The following RIMS2 variants were observed in gnomAD, a reference collection of about 807,000 sequenced individuals.
RIMS2 encodes regulating synaptic membrane exocytosis protein 2.
A neutral mutation model predicts 174.4 loss-of-function variants in RIMS2; 59 were observed. The ratio of observed to expected loss-of-function variants is 0.34; its 90% CI spans 0.27 to 0.42. The LOEUF (loss-of-function observed/expected upper bound fraction) is 0.42. RIMS2 is among the 10% of genes least tolerant of loss of function. The pLI, the probability that RIMS2 is intolerant of heterozygous loss-of-function variation, is 1.00. For missense variants in RIMS2, 1,620 were observed against 1,666.3 expected (o/e 0.97, Z 0.48); for synonymous variants, 606 against 572.5 (o/e 1.06, Z -0.84).
At chr8:103,989,362 A>G (rs1565708499) in exon 17 of RIMS2, 2 of 1,613,762 alleles carry the variant, frequency 1.2e-6, no homozygotes, top group Non-Finnish European at 8.5e-7. Context: ...ATTATAATAC[A>G]ATTAGCCGAA....
chr8:104,223,807 T>C (rs1235252090), intron 19 of RIMS2: 1 of 1,591,552 alleles, frequency 6.3e-7, no homozygotes, highest in East Asian at 2.2e-5. Context: ...AGACACCCCT[T>C]CCCCCGTAGT....
intron 3 of RIMS2, chr8:103,768,823 C>T (rs2098213166): frequency 3.1e-6 from 2 of 645,718 alleles, no homozygotes; most frequent in African/African-American, 1.8e-5. Flanking sequence ...TCTTATTACT[C>T]CATGTGTCCT....
rs572462828 is a variant in RIMS2 at position 103,879,045 on chromosome 8, A to T, written c.699-6253A>T. Among the ~76,000 whole-genome samples, 3 of 151,824 alleles carry T rather than the reference A, an allele frequency of 2.0e-5. No individual in the cohort carries two copies. The South Asian group carries it at 6.2e-4, about 31-fold the overall frequency. On this transcript the variant is annotated intron_variant, in intron 3 of 23. Coordinates refer to ENST00000504942, the Ensembl canonical transcript of RIMS2. Reference sequence around the variant, plus strand: ...TTACAAAAGCAATAAACAAAAGAAAACATGTTAAGAGTAAAGAGTTAAAAA... The same window carrying T: ...TTACAAAAGCAATAAACAAAAGAAATCATGTTAAGAGTAAAGAGTTAAAAA...
chr8:103,753,531 C>G (rs192850326), intron 2 of RIMS2, among the ~76,000 whole-genome samples: 280 of 152,236 alleles, frequency 1.8e-3, no homozygotes, highest in African/African-American at 6.5e-3. Flanking sequence ...CCTCCTTATA[C>G]CTCTGGTAGA....
chr8:103,623,883 A>G (rs2095708924), intron 1 of RIMS2, among the ~76,000 whole-genome samples: 1 of 152,102 alleles, frequency 6.6e-6, no homozygotes, highest in Admixed American at 6.5e-5. Context: ...CATTAACTAA[A>G]TATCCTCTGA....
At chr8:103,629,116 C>A (rs979046635) in intron 1 of RIMS2, among the ~76,000 whole-genome samples, 1 of 152,132 alleles carries the variant, frequency 6.6e-6, no homozygotes, top group Admixed American at 6.6e-5. Context: ...GAGATAGTAC[C>A]CCTTTGCCCC....
At chr8:103,560,716 G>C (rs1164771145) in intron 1 of RIMS2, among the ~76,000 whole-genome samples, 2 of 152,146 alleles carry the variant, frequency 1.3e-5, no homozygotes, top group Non-Finnish European at 2.9e-5. Context: ...TGAAATTTAA[G>C]ATATGTTTTT....
At chr8:103,798,915 C>CTTTTT (rs376864472) in intron 3 of RIMS2, among the ~76,000 whole-genome samples, 6 of 134,788 alleles carry the variant, frequency 4.5e-5, no homozygotes, top group African/African-American at 1.7e-4. Flanking sequence ...AGGTAGAAAA[C>CTTTTT]TTTTTTTTTT....
chr8:104,122,435 G>A (rs2098388375), intron 19 of RIMS2, among the ~76,000 whole-genome samples: 1 of 152,118 alleles, frequency 6.6e-6, no homozygotes, highest in Admixed American at 6.6e-5. Context: ...ATACAAAGCA[G>A]TTCAAATTCA....
At chr8:103,574,610 G>A (rs994066993) in intron 1 of RIMS2, among the ~76,000 whole-genome samples, 2 of 152,074 alleles carry the variant, frequency 1.3e-5, no homozygotes, top group Non-Finnish European at 2.9e-5. Flanking sequence ...AACTGTCTTT[G>A]GTTCCCCTTT....
At chr8:104,247,093 C>G (rs986087317) in intron 20 of RIMS2, among the ~76,000 whole-genome samples, 3 of 152,134 alleles carry the variant, frequency 2.0e-5, no homozygotes, top group Admixed American at 2.0e-4. Context: ...TGGCTTGGAC[C>G]AGAGTGTAGC....
intron 17 of RIMS2, among the ~76,000 whole-genome samples, chr8:103,996,968 T>C (rs897283202): frequency 6.6e-6 from 1 of 151,708 alleles, no homozygotes; most frequent in Admixed American, 6.6e-5. Flanking sequence ...AAAATAGAGG[T>C]TTGAAAATCA....
At chr8:103,528,386 T>G (rs899808242) in intron 1 of RIMS2, among the ~76,000 whole-genome samples, 7 of 152,312 alleles carry the variant, frequency 4.6e-5, no homozygotes, top group African/African-American at 1.7e-4. Flanking sequence ...GCAGAAGCTC[T>G]TTAGTTTAAT....
chr8:103,503,334 AAT>A (rs1190160495), intron 1 of RIMS2, among the ~76,000 whole-genome samples: 4 of 151,982 alleles, frequency 2.6e-5, no homozygotes, highest in Admixed American at 2.6e-4. Context: ...AAATGAAATG[AAT>A]AGACTTTATA....
chr8:103,641,200 G>A (rs2096221646), intron 1 of RIMS2, among the ~76,000 whole-genome samples: 1 of 152,000 alleles, frequency 6.6e-6, no homozygotes, highest in Admixed American at 6.6e-5. Flanking sequence ...CAGGTTTCTT[G>A]TAGAGACAAT....
chr8:103,902,814 T>C (rs1383319616), intron 4 of RIMS2, among the ~76,000 whole-genome samples: 1 of 152,132 alleles, frequency 6.6e-6, no homozygotes, highest in Admixed American at 6.5e-5. Context: ...GTCGTTATTA[T>C]TTGAAAAAAG....
chr8:103,898,650 A>G (rs1187346134), intron 4 of RIMS2, among the ~76,000 whole-genome samples: 4 of 151,426 alleles, frequency 2.6e-5, no homozygotes, highest in African/African-American at 9.8e-5. Flanking sequence ...TGTAATTTTC[A>G]CCAGTGGGAG....
chr8:103,549,412 G>A (rs567796590), intron 1 of RIMS2, among the ~76,000 whole-genome samples: 1 of 152,122 alleles, frequency 6.6e-6, no homozygotes, highest in South Asian at 2.1e-4. Flanking sequence ...TTATAGACAA[G>A]CAAATGTTGA....
chr8:103,728,575 T>G (rs1448179609), intron 2 of RIMS2, among the ~76,000 whole-genome samples: 1 of 152,014 alleles, frequency 6.6e-6, no homozygotes, highest in African/African-American at 2.4e-5. Flanking sequence ...CTGGCATACA[T>G]GGCTTTTATT....
Sources: allele counts gnomAD v4.1 joint callset (sites outside exome capture counted in the v4.1 genomes callset), GRCh38; gene constraint gnomAD v4.1.1; transcripts MANE v1.5; gene names NCBI Gene and HGNC (gene_info 2026-07-23, HGNC 2026-07-21).